The following TASOR variants were observed in gnomAD, a reference collection of about 807,000 sequenced individuals.
The protein encoded by TASOR is protein TASOR.
A neutral mutation model predicts 178.6 loss-of-function variants in TASOR; 53 were observed. That is an observed-to-expected ratio of 0.30 (90% CI 0.24 to 0.37). The LOEUF is 0.37. Ranked by LOEUF, TASOR falls within the 10% of genes least tolerant of loss-of-function variation. TASOR has a pLI of 1.00. For missense variants in TASOR, 1,815 were observed against 1,971.4 expected (o/e 0.92, Z 1.50); for synonymous variants, 713 against 696.2 (o/e 1.02, Z -0.38).
In TASOR at chr3:56,638,692, G is replaced by A; in HGVS notation, c.2824+14C>T. 1 of 1,614,002 alleles carries A rather than the reference G, an allele frequency of 6.2e-7. No individual in the cohort carries two copies. Among genetic ancestry groups the A allele is most frequent in the Non-Finnish European group, 8.5e-7 (1 of 1,179,894 alleles). The stretch of plus-strand genomic sequence containing the variant: ...AGGGCACACTGGGAAGAAAAGCAAA[G>A]CAAGCCTTCTCACCTGGTGTTTGTT... On this transcript the variant is annotated intron_variant, in intron 17 of 23. Coordinates refer to ENST00000683822, the MANE Select transcript of TASOR (RefSeq NM_001365635.2).
At chr3:56,653,825 G>A (rs1297921992) in intron 11 of TASOR, among the ~76,000 whole-genome samples, 1 of 151,650 alleles carries the variant, frequency 6.6e-6, no homozygotes, top group African/African-American at 2.4e-5. Context: ...AAAAAAAATT[G>A]GAAACTAAAA....
chr3:56,630,901 A>C (rs900849759), intron 18 of TASOR, among the ~76,000 whole-genome samples: 1 of 135,508 alleles, frequency 7.4e-6, no homozygotes, highest in Non-Finnish European at 1.6e-5. Flanking sequence ...AAATCCTTTT[A>C]AAAAAAGGAG....
intron 6 of TASOR, among the ~76,000 whole-genome samples, chr3:56,666,834 A>G (rs956881009): frequency 6.6e-6 from 1 of 152,202 alleles, no homozygotes; most frequent in Non-Finnish European, 1.5e-5. Flanking sequence ...AGATACGGAA[A>G]AGAATCTGAA....
In TASOR at chr3:56,621,829, A is replaced by AC. The variant is rs907400637; in HGVS notation, c.*1207_*1208insG. 7.2e-6 allele frequency: 2 copies of AC among 277,376 alleles called. No homozygotes were observed. The allele number at this position is 277,376 out of a possible 1,614,324, so 17.2% of individuals were successfully genotyped here. A position where few individuals can be genotyped will look rare whatever the true frequency, so the allele number is the denominator to read the frequency against. On this transcript the variant is annotated 3_prime_UTR_variant, in exon 24 of 24. Transcript: ENST00000683822. Reference sequence around the variant, plus strand: ...TAAAAGCTTAGTAGTAAAAAAAAAAAAAAAAAAACCGGTTCTTCTGCTCTG... The same window carrying AC: ...TAAAAGCTTAGTAGTAAAAAAAAAAACAAAAAAAACCGGTTCTTCTGCTCTG...
chr3:56,629,228 TGTTA>T (rs1001599700), intron 18 of TASOR: 25 of 152,176 alleles, frequency 1.6e-4, no homozygotes, highest in African/African-American at 5.8e-4. Flanking sequence ...CAGAAAGAAC[TGTTA>T]ATTAGGCCAG....
chr3:56,632,053 C>T (rs1375265566), intron 18 of TASOR, among the ~76,000 whole-genome samples: 1 of 152,118 alleles, frequency 6.6e-6, no homozygotes, highest in East Asian at 1.9e-4. Flanking sequence ...TATCAAGAAA[C>T]ACCAAAAGTT....
intron 8 of TASOR, 134 bp downstream of exon 8, chr3:56,663,407 C>A (rs1056589403): frequency 7.1e-6 from 3 of 425,150 alleles, no homozygotes; most frequent in Non-Finnish European, 1.1e-5. Context: ...CAACCAAATG[C>A]GCTGATGCTA....
At chr3:56,629,969 A>ATT (rs34509464) in intron 18 of TASOR, among the ~76,000 whole-genome samples, 12,279 of 145,790 alleles carry the variant, frequency 0.084, 613 homozygotes, top group South Asian at 0.18. Context: ...CCTGCTGGTA[A>ATT]TTTTTTTTTT....
At chr3:56,675,002 T>G (rs945570807) in intron 1 of TASOR, among the ~76,000 whole-genome samples, 1 of 152,068 alleles carries the variant, frequency 6.6e-6, no homozygotes, top group Middle Eastern at 3.4e-3. Context: ...TGTGTGTGTG[T>G]TTTTAGTAGA....
intron 14 of TASOR, among the ~76,000 whole-genome samples, chr3:56,642,750 A>G (rs6445809): frequency 0.62 from 93,332 of 151,598 alleles, 31,313 homozygotes; most frequent in East Asian, 0.96. Context: ...TGAGGTGGGC[A>G]GATCACAAGG....
Position 56,624,604 on chromosome 3 carries a change from C to T in TASOR, c.4358G>A (p.Gly1453Glu). ...GTCTTCAGCAGTTGCAACCACTATTCCATTATCTGTATAACTGGAAAGCAT... is the reference window on the plus strand; with the variant it reads ...GTCTTCAGCAGTTGCAACCACTATTTCATTATCTGTATAACTGGAAAGCAT... ...IKMLSSYTDNGIVVATAEDFM... is the reference protein window; with the variant it reads ...IKMLSSYTDNEIVVATAEDFM... The change falls in exon 23 of 24, where the codon GGA becomes GAA. Residue 1453 changes from glycine (G) to glutamate (E), a missense_variant. Transcript: ENST00000683822. 6.2e-7 allele frequency: 1 copy of T among 1,614,022 alleles called. No homozygotes were observed. Among genetic ancestry groups the T allele is most frequent in the Non-Finnish European group, 8.5e-7 (1 of 1,179,964 alleles).
At chr3:56,672,967 T>C (rs988910727) in intron 2 of TASOR, among the ~76,000 whole-genome samples, 1 of 152,148 alleles carries the variant, frequency 6.6e-6, no homozygotes, top group African/African-American at 2.4e-5. Flanking sequence ...ATTACAGGCA[T>C]GTGCCACCAC....
intron 13 of TASOR, among the ~76,000 whole-genome samples, chr3:56,647,979 G>T (rs539211297): frequency 6.6e-6 from 1 of 151,836 alleles, no homozygotes; most frequent in African/African-American, 2.4e-5. Context: ...TAGTTGGATC[G>T]CTTCAGGCCA....
chr3:56,658,226 G>A (rs2077513747), intron 11 of TASOR, among the ~76,000 whole-genome samples: 1 of 152,176 alleles, frequency 6.6e-6, no homozygotes, highest in Admixed American at 6.5e-5. Flanking sequence ...CTTGTAGAAT[G>A]CTAGCAACCT....
At chr3:56,665,673 T>C (rs2077694014) in intron 7 of TASOR, among the ~76,000 whole-genome samples, 1 of 151,924 alleles carries the variant, frequency 6.6e-6, no homozygotes, top group African/African-American at 2.4e-5. Context: ...TCTCACTTTT[T>C]AAAACTGCCA....
At position 56,623,541 on chromosome 3, in the gene TASOR, A is replaced by T. The variant is rs1439414858; in HGVS notation, c.4509T>A (p.Asp1503Glu). 6.3e-7 allele frequency: 1 copy of T among 1,578,356 alleles called. No homozygotes were observed. The highest frequency in any genetic ancestry group is 8.5e-7 in the Non-Finnish European group (1 of 1,170,168). Residue 1503 changes from aspartate to glutamate, a missense_variant, in exon 24 of 24, where the codon GAT becomes GAA. Transcript: ENST00000683822. ...QSALLENDEK[D>E]EEDMSLDSGD... ...CTGAATCCAGAGACATATCCTCTTC[A>T]TCCTTTTCATCGTTTTCTAAAAGAG... is the stretch of plus-strand genomic sequence containing the variant.
chr3:56,649,813 G>T (rs1320454753), intron 11 of TASOR, among the ~76,000 whole-genome samples: 1 of 152,220 alleles, frequency 6.6e-6, no homozygotes, highest in Non-Finnish European at 1.5e-5. Flanking sequence ...GGACATTTCA[G>T]TAGAGGCAAC....
chr3:56,627,254 T>C, intron 20 of TASOR, 109 bp from the exon 21 acceptor site: 1 of 679,762 alleles, frequency 1.5e-6, no homozygotes, highest in Non-Finnish European at 2.5e-6. Flanking sequence ...CTTTCCTATG[T>C]ACTATTTTCA....
intron 6 of TASOR, among the ~76,000 whole-genome samples, chr3:56,667,556 C>A (rs2030173925): frequency 6.6e-6 from 1 of 152,106 alleles, no homozygotes; most frequent in South Asian, 2.1e-4. Flanking sequence ...ACTTGGGAGG[C>A]TGAGGCAGGA....
Sources: gnomAD v4.1 joint callset for allele counts (sites outside exome capture counted in the v4.1 genomes callset) on GRCh38, gnomAD v4.1.1 for gene constraint, MANE v1.5 for transcripts, NCBI Gene and HGNC (gene_info 2026-07-23, HGNC 2026-07-21) for gene names.